KMT2C: variants seen among roughly 807,000 people sequenced by gnomAD.
KMT2C encodes lysine methyltransferase 2C.
KMT2C carries 88 observed loss-of-function variants against 507.9 expected under a neutral mutation model. The observed-to-expected ratio is 0.17, with a 90% CI of 0.15 to 0.21. The LOEUF is 0.21. Ranked by LOEUF, KMT2C falls within the 10% of genes least tolerant of loss-of-function variation. The probability of loss-of-function intolerance (pLI) is 1.00; values close to 1 mark genes in which losing one functional copy is unlikely to be tolerated. For missense variants in KMT2C, 4,954 were observed against 5,957.8 expected (o/e 0.83, Z 5.55); for synonymous variants, 2,049 against 2,080.8 (o/e 0.98, Z 0.42).
chr7:152,226,483 C>T (rs932854166), intron 18 of KMT2C, among the ~76,000 whole-genome samples: 3 of 152,176 alleles, frequency 2.0e-5, no homozygotes, highest in East Asian at 3.9e-4. Flanking sequence ...CCACCTGCCT[C>T]GGCCTCCCAA....
intron 53 of KMT2C, 43 bp downstream of exon 53, chr7:152,146,556 C>T (rs1207159056): frequency 1.9e-6 from 3 of 1,605,194 alleles, no homozygotes; most frequent in Middle Eastern, 1.7e-4. Context: ...CACACTGAAT[C>T]AGGAAAGCAA....
chr7:152,433,876 T>G (rs916022735), intron 1 of KMT2C, among the ~76,000 whole-genome samples: 1 of 152,296 alleles, frequency 6.6e-6, no homozygotes, highest in Non-Finnish European at 1.5e-5. Flanking sequence ...CGTGTGCGCG[T>G]GCACAAGCAC....
At position 152,195,919 on chromosome 7, in the gene KMT2C, C is replaced by T. The variant is rs1435221359; in HGVS notation, c.4366G>A (p.Val1456Ile). 3 of 1,585,880 alleles carry T rather than the reference C, an allele frequency of 1.9e-6. No individual in the cohort carries two copies. Among genetic ancestry groups the T allele is most frequent in the Admixed American group, 3.4e-5 (2 of 59,224 alleles). Residue 1456 changes from valine to isoleucine, a missense_variant, in exon 28 of 59, where the codon GTT becomes ATT. Physicochemically the swap from Val to Ile is conservative, Grantham distance 29. Transcript: ENST00000262189. ...TATTCATATATACCTGAATGATCAACTGATTTTGCTAGATCATCTGAAATT... is the reference window on the plus strand; with the variant it reads ...TATTCATATATACCTGAATGATCAATTGATTTTGCTAGATCATCTGAAATT... ...GIISDDLAKS[V>I]DHSDIGPVTD...
At chr7:152,212,562 C>T (rs1428563898) in intron 23 of KMT2C, among the ~76,000 whole-genome samples, 1 of 151,360 alleles carries the variant, frequency 6.6e-6, no homozygotes, top group African/African-American at 2.4e-5. Flanking sequence ...AGTCAAGTAG[C>T]AGGATACAAA....
chr7:152,313,316 A>G (rs913271216), intron 4 of KMT2C, among the ~76,000 whole-genome samples: 2 of 152,170 alleles, frequency 1.3e-5, no homozygotes, highest in African/African-American at 4.8e-5. Flanking sequence ...GTATTTGATG[A>G]GGGAAAGGGG....
rs1478685054 is a variant in KMT2C, at chr7:152,223,564, C to T, written c.3323+451G>A. The stretch of plus-strand genomic sequence containing the variant: ...ATCATAAAACTTTAGGAGGCTGAGG[C>T]GGGCGGTCAAAAGATGGTCAAAAGA... On this transcript the variant is annotated intron_variant, in intron 20 of 58. Transcript: ENST00000262189. Among the ~76,000 whole-genome samples the T allele has an allele frequency of 7.2e-5, 11 of 152,112 alleles. No individual in the cohort carries two copies. In the East Asian group the frequency reaches 7.7e-4, roughly 11 times the overall value.
chr7:152,244,296 C>G (rs2095434215), intron 14 of KMT2C, among the ~76,000 whole-genome samples: 1 of 152,150 alleles, frequency 6.6e-6, no homozygotes, highest in Non-Finnish European at 1.5e-5. Context: ...GCTTGATGTT[C>G]TAAAATCTAC....
chr7:152,232,313 A>G (rs1433884969), intron 16 of KMT2C, among the ~76,000 whole-genome samples: 1 of 152,264 alleles, frequency 6.6e-6, no homozygotes, highest in African/African-American at 2.4e-5. Context: ...AAATCCAAAC[A>G]TTAGAAAATT....
chr7:152,395,268 T>A (rs2097530398), intron 1 of KMT2C, among the ~76,000 whole-genome samples: 1 of 152,038 alleles, frequency 6.6e-6, no homozygotes, highest in South Asian at 2.1e-4. Context: ...CACTGCATTC[T>A]CGACCTTTTG....
intron 3 of KMT2C, among the ~76,000 whole-genome samples, chr7:152,317,458 G>A (rs1040940168): frequency 6.6e-6 from 1 of 152,142 alleles, no homozygotes; most frequent in African/African-American, 2.4e-5. Flanking sequence ...CCATCAGAGG[G>A]CAGAAATCAC....
At chr7:152,143,077 C>T (rs1160854786) in intron 55 of KMT2C, among the ~76,000 whole-genome samples, 2 of 152,018 alleles carry the variant, frequency 1.3e-5, no homozygotes, top group African/African-American at 4.8e-5. Flanking sequence ...GCACACTCCT[C>T]GAGAACACGA....
rs2129164085 is a variant in KMT2C at position 152,248,207 on chromosome 7, G to T, written c.2227C>A (p.Pro743Thr). ...TCTTTCACACAACCCTCAATTGTAG[G>T]AGTCATTTCAGAGTCCATCAATCCA... Reference protein sequence around the residue: ...STGLMDSEMTPTIEGCVKDVS... With the variant: ...STGLMDSEMTTTIEGCVKDVS... Residue 743 changes from proline to threonine, a missense_variant, in exon 14 of 59, where the codon CCT (proline) becomes ACT (threonine). Coordinates refer to ENST00000262189, the MANE Select transcript of KMT2C (RefSeq NM_170606.3). The T allele has an allele frequency of 6.2e-7, 1 of 1,614,046 alleles. No individual in the cohort carries two copies. The highest frequency in any genetic ancestry group is 8.5e-7 in the Non-Finnish European group (1 of 1,179,890).
intron 6 of KMT2C, among the ~76,000 whole-genome samples, chr7:152,278,403 C>T (rs1331303148): frequency 6.6e-6 from 1 of 152,144 alleles, no homozygotes; most frequent in Non-Finnish European, 1.5e-5. Context: ...GCCTCAGTCT[C>T]CCAAGTAGCT....
intron 1 of KMT2C, among the ~76,000 whole-genome samples, chr7:152,388,301 G>A (rs2097452029): frequency 6.6e-6 from 1 of 152,058 alleles, no homozygotes; most frequent in African/African-American, 2.4e-5. Context: ...GATCACGCCT[G>A]TAATCCCAAC....
intron 2 of KMT2C, among the ~76,000 whole-genome samples, chr7:152,331,504 G>T (rs1265706480): frequency 6.6e-6 from 1 of 151,582 alleles, no homozygotes; most frequent in Non-Finnish European, 1.5e-5. Flanking sequence ...AGCGACTCTG[G>T]TGGCTGAGGT....
intron 20 of KMT2C, 54 bp from the exon 21 acceptor site, chr7:152,222,736 T>C (rs2094813980): frequency 2.0e-6 from 2 of 976,014 alleles, no homozygotes; most frequent in Non-Finnish European, 3.2e-6. Flanking sequence ...TACTGAGAAC[T>C]GCTACCTTTT....
Position 152,363,644 on chromosome 7 carries a change from C to T in KMT2C, c.162-4969G>A, listed in dbSNP as rs141605058. ...TGGCATTAATTTAGAAACTACCACA[C>T]AGAGATAGGAACCCAAAATGAGAGC... On this transcript the variant is annotated intron_variant, in intron 1 of 58. Transcript: ENST00000262189. Among the ~76,000 whole-genome samples the T allele has an allele frequency of 7.1e-3, 1,081 of 152,224 alleles. 11 individuals carry two copies. The highest frequency in any genetic ancestry group is 0.034 in the Middle Eastern group (10 of 294).
At chr7:152,222,742 C>T in intron 20 of KMT2C, 60 bp from the exon 21 acceptor site, 1 of 888,850 alleles carries the variant, frequency 1.1e-6, no homozygotes, top group Non-Finnish European at 1.8e-6. Context: ...GAACTGCTAC[C>T]TTTTAAAACC....
At chr7:152,276,942 T>TAAC (rs202053670) in intron 6 of KMT2C, among the ~76,000 whole-genome samples, 3 of 143,902 alleles carry the variant, frequency 2.1e-5, no homozygotes, top group African/African-American at 7.6e-5. Flanking sequence ...AAGAACACAA[T>TAAC]AACAACAACA....
Sources: gnomAD v4.1 joint callset for allele counts (sites outside exome capture counted in the v4.1 genomes callset) on GRCh38, gnomAD v4.1.1 for gene constraint, MANE v1.5 for transcripts, NCBI Gene and HGNC (gene_info 2026-07-23, HGNC 2026-07-21) for gene names.